Variants in GRIN2B observed in about 807,000 individuals in gnomAD.
GRIN2B encodes the protein glutamate ionotropic receptor NMDA type subunit 2B.
In GRIN2B, 5 loss-of-function variants were observed where a neutral mutation model predicts 114.5. The ratio of observed to expected loss-of-function variants is 0.04; its 90% confidence interval spans 0.02 to 0.09. The LOEUF (loss-of-function observed/expected upper bound fraction) is 0.09. Ranked by LOEUF, GRIN2B falls within the 10% of genes least tolerant of loss-of-function variation. The pLI, the probability that GRIN2B is intolerant of heterozygous loss-of-function variation, is 1.00. For missense variants in GRIN2B, 1,108 were observed against 1,943.5 expected (o/e 0.57, Z 8.08); for synonymous variants, 787 against 745.1 (o/e 1.06, Z -0.92).
At chr12:13,711,117 A>G (rs1413699444) in intron 4 of GRIN2B, among the ~76,000 whole-genome samples, 2 of 152,188 alleles carry the variant, frequency 1.3e-5, no homozygotes, top group Admixed American at 1.3e-4. Context: ...GACAAAAACA[A>G]GAAATGGAGA....
Position 13,686,209 on chromosome 12 carries a change from A to G in GRIN2B, c.1011-10350T>C, listed in dbSNP as rs1021414944. ...AGGTTGGGGAAGATCAAATTTATTT[A>G]TGTATTTAGTTAAAGATATCCATTG... On this transcript the variant is annotated intron_variant, in intron 4 of 13. Transcript: ENST00000609686. Among the ~76,000 whole-genome samples, 4 of 152,296 alleles carry G rather than the reference A, an allele frequency of 2.6e-5. No homozygotes were observed. The South Asian group carries it at 6.2e-4, about 24-fold the overall frequency.
intron 3 of GRIN2B, among the ~76,000 whole-genome samples, chr12:13,848,224 T>C (rs1865500726): frequency 6.6e-6 from 1 of 152,206 alleles, no homozygotes; most frequent in African/African-American, 2.4e-5. Flanking sequence ...ATTCCACTAT[T>C]ACAAACTTCT....
At chr12:13,894,752 T>C (rs1866327443) in intron 2 of GRIN2B, among the ~76,000 whole-genome samples, 1 of 152,110 alleles carries the variant, frequency 6.6e-6, no homozygotes, top group African/African-American at 2.4e-5. Flanking sequence ...GAGAAACAGA[T>C]TAATGGAGAA....
chr12:13,959,491 G>C (rs1488996963), intron 2 of GRIN2B, among the ~76,000 whole-genome samples: 2 of 152,198 alleles, frequency 1.3e-5, no homozygotes, highest in African/African-American at 4.8e-5. Flanking sequence ...GGAGGGTGGA[G>C]GAGAGGAGGC....
At chr12:13,638,821 C>T (rs1017965959) in intron 5 of GRIN2B, among the ~76,000 whole-genome samples, 2 of 152,088 alleles carry the variant, frequency 1.3e-5, no homozygotes, top group East Asian at 1.9e-4. Context: ...TTCCATCCTA[C>T]TCCATCTATG....
intron 2 of GRIN2B, among the ~76,000 whole-genome samples, chr12:13,875,087 C>T (rs1591597475): frequency 6.6e-6 from 1 of 152,284 alleles, no homozygotes; most frequent in African/African-American, 2.4e-5. Context: ...CTCCCCACCC[C>T]ACAGGCCCCA....
chr12:13,845,322 T>C (rs550536461), intron 3 of GRIN2B, among the ~76,000 whole-genome samples: 75 of 152,290 alleles, frequency 4.9e-4, no homozygotes, highest in African/African-American at 1.5e-3. Flanking sequence ...TCAATATCAA[T>C]ATATTTCATT....
intron 10 of GRIN2B, among the ~76,000 whole-genome samples, chr12:13,574,997 C>G (rs1292566809): frequency 6.6e-6 from 1 of 152,148 alleles, no homozygotes; most frequent in African/African-American, 2.4e-5. Context: ...AATAATTAGA[C>G]ATCTGTTTGA....
intron 2 of GRIN2B, among the ~76,000 whole-genome samples, chr12:13,914,817 C>T (rs892994860): frequency 1.3e-5 from 2 of 152,094 alleles, no homozygotes; most frequent in Non-Finnish European, 2.9e-5. Flanking sequence ...ATAAGCCAGG[C>T]ACAGAAAGAC....
chr12:13,752,571 A>G (rs913948701), intron 4 of GRIN2B, among the ~76,000 whole-genome samples: 1 of 152,194 alleles, frequency 6.6e-6, no homozygotes. Flanking sequence ...CCACGAAAGT[A>G]TAGTATAGAA....
At chr12:13,575,777 A>T (rs1224726216) in intron 10 of GRIN2B, among the ~76,000 whole-genome samples, 3 of 152,118 alleles carry the variant, frequency 2.0e-5, no homozygotes, top group African/African-American at 7.2e-5. Context: ...TTGGATTTGG[A>T]TTTCAGCTTT....
chr12:13,716,433 T>C (rs1292941770), intron 4 of GRIN2B, among the ~76,000 whole-genome samples: 1 of 151,736 alleles, frequency 6.6e-6, no homozygotes, highest in Non-Finnish European at 1.5e-5. Context: ...GCTCTAAGGG[T>C]GTGGAGCTAT....
At chr12:13,871,955 T>C (rs535813310) in intron 2 of GRIN2B, among the ~76,000 whole-genome samples, 1 of 152,056 alleles carries the variant, frequency 6.6e-6, no homozygotes, top group Non-Finnish European at 1.5e-5. Flanking sequence ...AACTACTCCC[T>C]ACCCTAGTCC....
chr12:13,887,523 C>T (rs886218689), intron 2 of GRIN2B, among the ~76,000 whole-genome samples: 4 of 152,014 alleles, frequency 2.6e-5, no homozygotes, highest in Admixed American at 6.6e-5. Flanking sequence ...AAAGGATCGG[C>T]AAAAGATAGC....
In GRIN2B at chr12:13,544,022, C is replaced by G. The variant is rs962245583; in HGVS notation, c.*18761G>C. ...AATTTTTCCTTTCTCCTGGATTAGT[C>G]TTGTCAACATAAAATGGGCTGTTAT... On this transcript the variant is annotated 3_prime_UTR_variant, in exon 14 of 14. Coordinates refer to ENST00000609686, the MANE Select transcript of GRIN2B (RefSeq NM_000834.5). 5 of 152,154 alleles carry G rather than the reference C, an allele frequency of 3.3e-5. No individual in the cohort carries two copies. Among genetic ancestry groups the G allele is most frequent in the African/African-American group, 1.2e-4 (5 of 41,406 alleles). The allele number at this position is 152,154 out of a possible 1,614,324, so 9.4% of individuals were successfully genotyped here.
At chr12:13,608,120 C>T (rs1949311334) in intron 10 of GRIN2B, among the ~76,000 whole-genome samples, 1 of 152,218 alleles carries the variant, frequency 6.6e-6, no homozygotes, top group Non-Finnish European at 1.5e-5. Flanking sequence ...AGTTACTTCT[C>T]TTCAAGACAC....
chr12:13,761,970 T>C (rs1354872946), intron 3 of GRIN2B, among the ~76,000 whole-genome samples: 1 of 152,148 alleles, frequency 6.6e-6, no homozygotes, highest in Non-Finnish European at 1.5e-5. Context: ...ATGACAGGCA[T>C]CATAAAACTA....
chr12:13,854,281 G>A (rs1420241587), intron 3 of GRIN2B, among the ~76,000 whole-genome samples: 3 of 152,156 alleles, frequency 2.0e-5, no homozygotes, highest in South Asian at 4.1e-4. Context: ...GAAGGCCAAG[G>A]TGGGCGGATC....
chr12:13,702,490 G>C (rs1304894022), intron 4 of GRIN2B, among the ~76,000 whole-genome samples: 1 of 152,192 alleles, frequency 6.6e-6, no homozygotes, highest in African/African-American at 2.4e-5. Flanking sequence ...TAAATGAAAA[G>C]ATCTAGGATT....
Sources: gnomAD v4.1 joint callset for allele counts (sites outside exome capture counted in the v4.1 genomes callset) on GRCh38, gnomAD v4.1.1 for gene constraint, MANE v1.5 for transcripts, NCBI Gene and HGNC (gene_info 2026-07-23, HGNC 2026-07-21) for gene names.